EPB41: variants seen among roughly 807,000 people sequenced by gnomAD.
The protein encoded by EPB41 is protein 4.1.
In EPB41, 65 loss-of-function variants were observed where a neutral mutation model predicts 108.0. The observed-to-expected ratio is 0.60, with a 90% CI of 0.49 to 0.74. The LOEUF (loss-of-function observed/expected upper bound fraction) is 0.74, where lower values mean the gene tolerates loss of function less well. Among genes scored for constraint, EPB41 ranks in the 30% least tolerant of loss-of-function variants. EPB41 has a pLI of 0.00. For missense variants in EPB41, 875 were observed against 1,037.0 expected (o/e 0.84, Z 2.15); for synonymous variants, 336 against 358.9 (o/e 0.94, Z 0.72).
At chr1:28,974,280 C>T (rs1428980901) in intron 1 of EPB41, among the ~76,000 whole-genome samples, 1 of 152,118 alleles carries the variant, frequency 6.6e-6, no homozygotes, top group African/African-American at 2.4e-5. Flanking sequence ...TAGAGTAGCC[C>T]CACTACTTAG....
chr1:28,981,468 T>C (rs1388920159), intron 1 of EPB41, among the ~76,000 whole-genome samples: 3 of 152,240 alleles, frequency 2.0e-5, no homozygotes, highest in Non-Finnish European at 2.9e-5. Flanking sequence ...ATATAAATGA[T>C]TGTGAAAGTC....
At chr1:29,080,097 ATTATTTATTTATTTATTTAT>A (rs33953606) in intron 16 of EPB41, among the ~76,000 whole-genome samples, 3 of 145,650 alleles carry the variant, frequency 2.1e-5, no homozygotes, top group Non-Finnish European at 4.5e-5. Context: ...ATAAAGCAAC[ATTATTTATTTATTTATTTAT>A]TTATTTATTT....
chr1:29,116,001 G>A (rs1173504988), intron 20 of EPB41, among the ~76,000 whole-genome samples, 198 bp downstream of exon 20: 19 of 152,176 alleles, frequency 1.2e-4, no homozygotes, highest in Admixed American at 1.2e-3. Context: ...GCCTGTAGCA[G>A]TGCCAGCATT....
At chr1:29,103,794 A>G (rs10915227) in intron 17 of EPB41, among the ~76,000 whole-genome samples, 16,410 of 152,080 alleles carry the variant, frequency 0.11, 1,197 homozygotes, top group East Asian at 0.38. Flanking sequence ...CAGCCTCCCA[A>G]ATAGCTGGGA....
intron 1 of EPB41, among the ~76,000 whole-genome samples, chr1:28,897,370 G>A (rs1240400886): frequency 6.6e-6 from 1 of 151,902 alleles, no homozygotes; most frequent in Admixed American, 6.6e-5. Flanking sequence ...GGAACATGGA[G>A]CAACCCCATC....
At chr1:28,950,920 C>T (rs1387745604) in intron 1 of EPB41, among the ~76,000 whole-genome samples, 1 of 152,160 alleles carries the variant, frequency 6.6e-6, no homozygotes, top group African/African-American at 2.4e-5. Flanking sequence ...ACTGCAACCT[C>T]TGCCTCCCAG....
intron 4 of EPB41, among the ~76,000 whole-genome samples, chr1:28,999,790 A>G (rs1294167235): frequency 1.3e-5 from 2 of 150,966 alleles, no homozygotes; most frequent in African/African-American, 4.9e-5. Context: ...AGTGGTTTTC[A>G]CTTTTTTTTT....
rs1033189712 is a variant in EPB41, at chr1:28,914,700, GCCT to G, written c.-69_-67del. 6.6e-6 allele frequency: 1 copy of G among 152,324 alleles called. No homozygotes were observed. The highest frequency in any genetic ancestry group is 1.5e-5 in the Non-Finnish European group (1 of 67,960). The allele number at this position is 152,324 out of a possible 1,614,324, so 9.4% of individuals were successfully genotyped here. The stretch of plus-strand genomic sequence containing the variant: ...GAGGGCCCGAGCCTCGGACGCCGGC[GCCT>G]CCTCCTGCCATTGTTCGTCGGGCTG... On this transcript the variant is annotated 5_prime_UTR_variant, in exon 1 of 21. Coordinates refer to ENST00000343067, the MANE Select transcript of EPB41 (RefSeq NM_001376013.1).
At chr1:28,929,526 G>A (rs2093624960) in intron 1 of EPB41, among the ~76,000 whole-genome samples, 1 of 150,802 alleles carries the variant, frequency 6.6e-6, no homozygotes, top group Non-Finnish European at 1.5e-5. Context: ...CACTGCGCCC[G>A]GCCAATTTTT....
At chr1:29,028,914 CACCTGT>C (rs1237171955) in intron 7 of EPB41, among the ~76,000 whole-genome samples, 1 of 151,944 alleles carries the variant, frequency 6.6e-6, no homozygotes, top group Non-Finnish European at 1.5e-5. Context: ...TGGTGGCATG[CACCTGT>C]AGACCCAGCT....
intron 7 of EPB41, 132 bp from the exon 8 acceptor site, chr1:29,030,268 G>A (rs1572738093): frequency 1.4e-6 from 1 of 705,322 alleles, no homozygotes; most frequent in East Asian, 2.7e-5. Context: ...CCTACTTTCA[G>A]GACTAGGAAA....
chr1:28,931,167 C>T (rs990897214), intron 1 of EPB41, among the ~76,000 whole-genome samples: 3 of 151,616 alleles, frequency 2.0e-5, no homozygotes, highest in Admixed American at 6.6e-5. Context: ...GGGAGGCTGA[C>T]GTAGGAGGAT....
At chr1:29,009,933 T>A (rs1182265704) in intron 4 of EPB41, among the ~76,000 whole-genome samples, 1 of 152,200 alleles carries the variant, frequency 6.6e-6, no homozygotes, top group African/African-American at 2.4e-5. Flanking sequence ...AATCAATTTT[T>A]AAAATGTGGT....
Position 28,887,621 on chromosome 1 carries a change from A to T in EPB41, c.-8+411A>T. ...CGCATGCTCCTGCCGGGCCCGCAGC[A>T]GCGCTGGAGCGGGCTGGCGGCTAGC... On this transcript the variant is annotated intron_variant, in intron 1 of 16. Coordinates refer to the EPB41 transcript ENST00000347529. The surrounding 1 kb of genome is among the most constrained non-coding windows in gnomAD (Gnocchi z 4.9). 1.0e-6 allele frequency: 1 copy of T among 985,180 alleles called. No homozygotes were observed. Among genetic ancestry groups the T allele is most frequent in the Non-Finnish European group, 1.2e-6 (1 of 829,828 alleles). 61.0% of individuals were successfully genotyped at this position (985,180 alleles called of 1,614,324 possible).
chr1:29,036,347 C>T (rs536219636), intron 10 of EPB41, among the ~76,000 whole-genome samples: 2 of 150,700 alleles, frequency 1.3e-5, no homozygotes, highest in South Asian at 4.2e-4. Flanking sequence ...GCAACCTCCG[C>T]CTCCCGGGTT....
intron 16 of EPB41, among the ~76,000 whole-genome samples, chr1:29,074,039 G>A (rs1652775529): frequency 1.3e-5 from 2 of 152,090 alleles, no homozygotes; most frequent in South Asian, 4.1e-4. Flanking sequence ...GGACACATGA[G>A]GCATTAGAGA....
intron 8 of EPB41, chr1:29,031,760 A>G (rs1178620739): frequency 6.6e-6 from 1 of 152,120 alleles, no homozygotes; most frequent in Non-Finnish European, 1.5e-5. Context: ...ATCCTTAAGG[A>G]AAGTCTCCTT....
intron 4 of EPB41, among the ~76,000 whole-genome samples, chr1:28,999,466 T>C (rs2096253374): frequency 6.6e-6 from 1 of 152,262 alleles, no homozygotes; most frequent in Non-Finnish European, 1.5e-5. Flanking sequence ...TTCCCAGAAA[T>C]TGAATAGTTA....
chr1:28,971,180 C>CTTTTTTTTTT (rs1000130058), intron 1 of EPB41, among the ~76,000 whole-genome samples: 21 of 66,316 alleles, frequency 3.2e-4, no homozygotes, highest in South Asian at 6.9e-4. Flanking sequence ...TTCTTTCTTT[C>CTTTTTTTTTT]TTTTTTTTTT....
Sources: gnomAD v4.1 joint callset for allele counts (sites outside exome capture counted in the v4.1 genomes callset) on GRCh38, gnomAD v4.1.1 for gene constraint, Gnocchi (gnomAD v3.1) non-coding constraint, MANE v1.5 for transcripts, NCBI Gene and HGNC (gene_info 2026-07-23, HGNC 2026-07-21) for gene names.